Variants in TLCD3B observed in about 807,000 individuals in gnomAD.
The protein encoded by TLCD3B is ceramide synthase.
TLCD3B carries 9 observed loss-of-function variants against 23.0 expected under a neutral mutation model. The ratio of observed to expected loss-of-function variants is 0.39; its 90% confidence interval spans 0.24 to 0.68. The LOEUF is 0.68. Ranked by LOEUF, TLCD3B falls within the 30% of genes least tolerant of loss-of-function variation. TLCD3B has a pLI of 0.44. For missense variants in TLCD3B, 307 were observed against 371.8 expected, an observed-to-expected ratio of 0.83 and a Z score of 1.43; for synonymous variants, 161 against 161.0, an observed-to-expected ratio of 1.00 and a Z score of 0.00.
chr16:30,048,572 T>G (rs1042939501), intron 1 of TLCD3B, among the ~76,000 whole-genome samples: 2 of 152,058 alleles, frequency 1.3e-5, no homozygotes, highest in Non-Finnish European at 2.9e-5. Context: ...GTTGCACAGA[T>G]ATACTGTGGC....
chr16:30,035,454 C>T (rs1267817888), upstream of TLCD3B: 1 of 1,289,558 alleles, frequency 7.8e-7, no homozygotes, highest in East Asian at 5.6e-5. Context: ...AAGACGCAAC[C>T]CACTGCGAAC....
upstream of TLCD3B, among the ~76,000 whole-genome samples, chr16:30,034,519 T>C (rs983370714): frequency 2.0e-5 from 3 of 151,704 alleles, no homozygotes; most frequent in Non-Finnish European, 2.9e-5. Context: ...CAGTGAGCCA[T>C]GATCGTGCCA....
chr16:30,036,413 T>TG, intron 3 of TLCD3B: 1 of 1,280,604 alleles, frequency 7.8e-7, no homozygotes, highest in Non-Finnish European at 1.0e-6. Flanking sequence ...CCATCTACTC[T>TG]GGGGAGCAGA....
In TLCD3B at chr16:30,025,043, G is replaced by A; in HGVS notation, c.*140C>T. 1 of 592,060 alleles carries A rather than the reference G, an allele frequency of 1.7e-6. No homozygotes were observed. Among genetic ancestry groups the A allele is most frequent in the Non-Finnish European group, 2.8e-6 (1 of 351,364 alleles). 36.7% of individuals were successfully genotyped at this position (592,060 alleles called of 1,614,324 possible). On this transcript the variant is annotated 3_prime_UTR_variant, in exon 5 of 5. Coordinates refer to ENST00000380495, the MANE Select transcript of TLCD3B (RefSeq NM_031478.6). The surrounding 1 kb of genome is among the most constrained non-coding windows in gnomAD (Gnocchi z 4.1). Reference sequence around the variant, plus strand: ...ACCCCCTCAGTCCCCGAGAGATGGGGCCTCTTCCCTTTCGGGGTCATCGTC... The same window carrying A: ...ACCCCCTCAGTCCCCGAGAGATGGGACCTCTTCCCTTTCGGGGTCATCGTC...
At chr16:30,051,809 C>T (rs2071760335) in intron 1 of TLCD3B, among the ~76,000 whole-genome samples, 1 of 152,174 alleles carries the variant, frequency 6.6e-6, no homozygotes, top group African/African-American at 2.4e-5. Flanking sequence ...GGAGACCTCA[C>T]AGAGGCAAAA....
chr16:30,047,432 C>T (rs2071690917), intron 1 of TLCD3B, among the ~76,000 whole-genome samples: 1 of 152,142 alleles, frequency 6.6e-6, no homozygotes, highest in Non-Finnish European at 1.5e-5. Flanking sequence ...AGCAATTCTC[C>T]TGCCTCAGCT....
chr16:30,050,766 G>A (rs1459948204), intron 1 of TLCD3B, among the ~76,000 whole-genome samples: 1 of 152,194 alleles, frequency 6.6e-6, no homozygotes, highest in Non-Finnish European at 1.5e-5. Flanking sequence ...GGCAGTTTCC[G>A]TGGCTGCCTC....
intron 3 of TLCD3B, among the ~76,000 whole-genome samples, chr16:30,039,742 G>T (rs1394481310): frequency 1.3e-5 from 2 of 152,078 alleles, no homozygotes; most frequent in African/African-American, 4.8e-5. Flanking sequence ...CTCCTAAAGT[G>T]CTGGGATTAC....
intron 2 of TLCD3B, among the ~76,000 whole-genome samples, chr16:30,042,181 A>G (rs1227153141): frequency 6.6e-6 from 1 of 152,044 alleles, no homozygotes; most frequent in Non-Finnish European, 1.5e-5. Flanking sequence ...AGAAGGCATC[A>G]TTGTCCTAAT....
At chr16:30,051,926 C>T (rs2071762589) in intron 1 of TLCD3B, among the ~76,000 whole-genome samples, 1 of 152,200 alleles carries the variant, frequency 6.6e-6, no homozygotes, top group South Asian at 2.1e-4. Flanking sequence ...AGACCCTACA[C>T]ACTGGTTCAG....
intron 2 of TLCD3B, among the ~76,000 whole-genome samples, chr16:30,045,092 C>CAAAAAAAA (rs1162281544): frequency 7.0e-3 from 155 of 22,110 alleles, no homozygotes; most frequent in Non-Finnish European, 7.8e-3. Flanking sequence ...GACTCCATCT[C>CAAAAAAAA]AAAAAAAAAA....
At position 30,024,868 on chromosome 16, in the gene TLCD3B, T is replaced by C; in HGVS notation, c.*315A>G. On this transcript the variant is annotated 3_prime_UTR_variant, in exon 5 of 5. Transcript: ENST00000380495. ...CCTTGGCAGAGGCGTCTCCCCACAT[T>C]CTGACTCCTGGTCCCCTTGAAACCC... is the stretch of plus-strand genomic sequence containing the variant. The C allele has an allele frequency of 3.3e-6, 1 of 305,462 alleles. No homozygotes were observed. 18.9% of individuals were successfully genotyped at this position (305,462 alleles called of 1,614,324 possible).
Position 30,026,733 on chromosome 16 carries a change from C to T in TLCD3B, c.320G>A (p.Gly107Glu). Residue 107 changes from glycine to glutamate, a missense_variant, in exon 3 of 5, where the codon GGG (glycine) becomes GAG (glutamate). Transcript: ENST00000380495. The stretch of plus-strand genomic sequence containing the variant: ...CGGGGCTCTGGCCGCTCCGTCGTCC[C>T]CTCCATGCCCTTTGACCTGGTGCTT... ...WHKHQVKGHG[G>E]DDGAARAPGS... is the part of the protein sequence containing the mutation. 6.2e-7 allele frequency: 1 copy of T among 1,614,116 alleles called. No homozygotes were observed. Among genetic ancestry groups the T allele is most frequent in the Non-Finnish European group, 8.5e-7 (1 of 1,180,034 alleles).
intron 2 of TLCD3B, among the ~76,000 whole-genome samples, chr16:30,045,863 G>C (rs2071666085): frequency 1.3e-5 from 2 of 152,042 alleles, no homozygotes; most frequent in South Asian, 4.1e-4. Context: ...GAGGAAGGGA[G>C]ACACACCAGC....
intron 1 of TLCD3B, chr16:30,052,737 A>G (rs1200971471): frequency 6.6e-6 from 1 of 151,452 alleles, no homozygotes; most frequent in African/African-American, 2.4e-5. Context: ...AAATAAATAA[A>G]TATAAATAAA....
At chr16:30,028,085 C>T (rs1473611282) in intron 2 of TLCD3B, among the ~76,000 whole-genome samples, 4 of 152,120 alleles carry the variant, frequency 2.6e-5, no homozygotes, top group South Asian at 2.1e-4. Context: ...GTAGAGAACG[C>T]GAAGCGGGAA....
At position 30,024,554 on chromosome 16, in the gene TLCD3B, T is replaced by C. The variant is rs1330332691; in HGVS notation, c.*629A>G. The C allele has an allele frequency of 3.0e-5, 12 of 397,446 alleles. No individual in the cohort carries two copies. The highest frequency in any genetic ancestry group is 5.4e-5 in the Non-Finnish European group (12 of 220,628). 24.6% of individuals were successfully genotyped at this position (397,446 alleles called of 1,614,324 possible). On this transcript the variant is annotated 3_prime_UTR_variant, in exon 5 of 5. Transcript: ENST00000380495. The stretch of plus-strand genomic sequence containing the variant: ...GACATGGCAGGGCCCGAGGGCGCGA[T>C]GTGCAGCCGATGGTGAGGGACTGGG...
At chr16:30,036,087 T>A, upstream of TLCD3B, 2 of 1,219,342 alleles carry the variant, frequency 1.6e-6, no homozygotes, top group Non-Finnish European at 2.1e-6. Flanking sequence ...ACTCCACCAT[T>A]TTCCATCTTC....
At chr16:30,040,007 ATCCG>A (rs2071547418) in intron 3 of TLCD3B, among the ~76,000 whole-genome samples, 1 of 151,422 alleles carries the variant, frequency 6.6e-6, no homozygotes, top group African/African-American at 2.4e-5. Flanking sequence ...GGTGGTGCAC[ATCCG>A]TAATCTCAAT....
Sources: allele counts gnomAD v4.1 joint callset (sites outside exome capture counted in the v4.1 genomes callset), GRCh38; gene constraint gnomAD v4.1.1; non-coding constraint Gnocchi (gnomAD v3.1); transcripts MANE v1.5; gene names NCBI Gene and HGNC (gene_info 2026-07-23, HGNC 2026-07-21).